Variants in UBALD1 observed in about 807,000 individuals in gnomAD.
The protein encoded by UBALD1 is UBA like domain containing 1.
A neutral mutation model predicts 16.1 loss-of-function variants in UBALD1; 5 were observed. The ratio of observed to expected loss-of-function variants is 0.31; its 90% confidence interval spans 0.16 to 0.66. UBALD1 has a LOEUF of 0.66. UBALD1 is among the 30% of genes least tolerant of loss of function. The probability of loss-of-function intolerance (pLI) is 0.77; values close to 1 mark genes in which losing one functional copy is unlikely to be tolerated. For synonymous variants in UBALD1, 146 were observed against 105.3 expected (o/e 1.39, Z -2.37); for missense variants, 220 against 252.8 (o/e 0.87, Z 0.88).
intron 1 of UBALD1, among the ~76,000 whole-genome samples, chr16:4,612,113 G>A (rs1339434798): frequency 2.0e-5 from 3 of 149,582 alleles, no homozygotes; most frequent in Admixed American, 2.0e-4. Context: ...TCACCAGGCT[G>A]GAGTGCAGTG....
intron 1 of UBALD1, among the ~76,000 whole-genome samples, chr16:4,612,796 C>T (rs1164239744): frequency 1.3e-5 from 2 of 152,110 alleles, no homozygotes; most frequent in Non-Finnish European, 2.9e-5. Flanking sequence ...GCCTGAAGTC[C>T]CGTCACCTTC....
In UBALD1 at chr16:4,609,452, G is replaced by A. The variant is rs984331975; in HGVS notation, c.*181C>T. 43 of 405,686 alleles carry A rather than the reference G, an allele frequency of 1.1e-4. No individual in the cohort carries two copies. The highest frequency in any genetic ancestry group is 1.5e-4 in the Non-Finnish European group (34 of 231,844). 25.1% of individuals were successfully genotyped at this position (405,686 alleles called of 1,614,324 possible). On this transcript the variant is annotated 3_prime_UTR_variant, in exon 3 of 3. Transcript: ENST00000283474. ...GGGGCCGCTGGGGCCATGACCTTGC[G>A]TGTGGGCAGCTGCGTGTTCTGGCAC...
rs149666234 is a variant in UBALD1 at position 4,613,601 on chromosome 16, G to A, written c.120+1077C>T. On this transcript the variant is annotated intron_variant, in intron 1 of 2. Transcript: ENST00000283474. ...TGGAGAAACCAGGTTCCCAGTCCCC[G>A]GCTGGGCACAGATGGTACCGGGATG... Among the ~76,000 whole-genome samples, 570 of 152,256 alleles carry A rather than the reference G, an allele frequency of 3.7e-3. 5 individuals carry two copies. The highest frequency in any genetic ancestry group is 0.013 in the African/African-American group (532 of 41,528).
chr16:4,610,790 C>T (rs375130593), intron 1 of UBALD1: 171 of 527,780 alleles, frequency 3.2e-4, no homozygotes, highest in Non-Finnish European at 1.3e-4. Context: ...CCTTCCCCTG[C>T]TGCTCGCCAC....
chr16:4,610,133 C>G lies in UBALD1; in HGVS notation c.184-150G>C, dbSNP rs913931862. 5.2e-6 allele frequency: 4 copies of G among 766,874 alleles called. No individual in the cohort carries two copies. The East Asian group carries it at 1.1e-4, about 20-fold the overall frequency. The allele number at this position is 766,874 out of a possible 1,614,324, so 47.5% of individuals were successfully genotyped here. ...CAAGCCTGTCCGCCGCCCAGGGGTT[C>G]CCAGAGGAGAAGCCTTGAGATGAAC... On this transcript the variant is annotated intron_variant, in intron 2 of 2. Coordinates refer to ENST00000283474, the MANE Select transcript of UBALD1 (RefSeq NM_145253.3).
chr16:4,609,780 C>T lies in UBALD1; in HGVS notation c.387G>A (p.Ser129=), dbSNP rs1186295720. The T allele has an allele frequency of 3.7e-5, 55 of 1,504,844 alleles. No individual in the cohort carries two copies. The highest frequency in any genetic ancestry group is 4.7e-5 in the East Asian group (2 of 42,648). The allele number at this position is 1,504,844 out of a possible 1,614,324, so 93.2% of individuals were successfully genotyped here. ...GGTGGTGCTGTGGGCCCCCCGGGGG[C>T]GAGGCCGCCGTGGGCCAGCTGGAGG... is the stretch of plus-strand genomic sequence containing the variant. ...SAASSWPTAA[S]PPGGPQHHQP... Residue 129 remains serine (S), a synonymous_variant, in exon 3 of 3, where the codon TCG becomes TCA. Transcript: ENST00000283474.
chr16:4,610,483 G>A lies in UBALD1; in HGVS notation c.183+10C>T. On this transcript the variant is annotated intron_variant, in intron 2 of 2. Transcript: ENST00000283474. ...CCCAATCCAGAACTGGGGACTCCGG[G>A]GACACTTACCATCTGGTGGTGATGG... 6.2e-7 allele frequency: 1 copy of A among 1,600,938 alleles called. No individual in the cohort carries two copies. The highest frequency in any genetic ancestry group is 8.5e-7 in the Non-Finnish European group (1 of 1,173,278).
At chr16:4,610,114 T>C (rs1202719942) in intron 2 of UBALD1, 131 bp from the exon 3 acceptor site, 11 of 811,160 alleles carry the variant, frequency 1.4e-5, no homozygotes, top group Non-Finnish European at 2.3e-5. Context: ...TCCCCAAGCC[T>C]GTCCGCCGCC....
In UBALD1 at chr16:4,610,739, G is replaced by A. The variant is rs866427889; in HGVS notation, c.121-184C>T. ...CCAACCCTCACTGCTGTCTAAGGAG[G>A]AGCCACGGAACCTTGGGCAGTTGGG... On this transcript the variant is annotated intron_variant, in intron 1 of 2. Coordinates refer to ENST00000283474, the MANE Select transcript of UBALD1 (RefSeq NM_145253.3). 45 of 635,500 alleles carry A rather than the reference G, an allele frequency of 7.1e-5. No homozygotes were observed. The Middle Eastern group carries it at 3.1e-3, about 43-fold the overall frequency. The allele number at this position is 635,500 out of a possible 1,614,324, so 39.4% of individuals were successfully genotyped here.
At chr16:4,612,013 G>A (rs189552915) in intron 1 of UBALD1, among the ~76,000 whole-genome samples, 58 of 152,010 alleles carry the variant, frequency 3.8e-4, no homozygotes, top group African/African-American at 1.4e-3. Flanking sequence ...ATCCAGCCTG[G>A]CTCCTGGGGC....
At chr16:4,614,596 C>A in intron 1 of UBALD1, 82 bp downstream of exon 1, 1 of 1,285,410 alleles carries the variant, frequency 7.8e-7, no homozygotes, top group Non-Finnish European at 9.8e-7. Flanking sequence ...CACGCGTCCA[C>A]GCCGTCCGCC....
In UBALD1 at chr16:4,609,779, G is replaced by C; in HGVS notation, c.388C>G (p.Pro130Ala). The change falls in exon 3 of 3, where the codon CCC (proline) becomes GCC (alanine). Residue 130 changes from proline (P) to alanine (A), a missense_variant. By Grantham distance (27) the Pro-to-Ala change is conservative. Around this residue, in one of 2 missense-constraint regions of UBALD1, gnomAD observed 151 missense variants for 132.6 expected, o/e 1.14. Transcript: ENST00000283474. ...AASSWPTAAS[P>A]PGGPQHHQPQ... ...TGGTGGTGCTGTGGGCCCCCCGGGG[G>C]CGAGGCCGCCGTGGGCCAGCTGGAG... 3.3e-6 allele frequency: 5 copies of C among 1,508,038 alleles called. No individual in the cohort carries two copies. Among genetic ancestry groups the C allele is most frequent in the Non-Finnish European group, 3.5e-6 (4 of 1,131,784 alleles). The allele number at this position is 1,508,038 out of a possible 1,614,324, so 93.4% of individuals were successfully genotyped here. A position where few individuals can be genotyped will look rare whatever the true frequency, so the allele number is the denominator to read the frequency against.
chr16:4,611,410 C>A (rs966366025), intron 1 of UBALD1: 4 of 152,420 alleles, frequency 2.6e-5, no homozygotes, highest in African/African-American at 9.6e-5. Flanking sequence ...TTGGCTGGCA[C>A]CACGCTAGGC....
At position 4,610,536 on chromosome 16, in the gene UBALD1, A is replaced by C; in HGVS notation, c.140T>G (p.Phe47Cys). The C allele has an allele frequency of 6.2e-7, 1 of 1,610,016 alleles. No individual in the cohort carries two copies. Among genetic ancestry groups the C allele is most frequent in the Non-Finnish European group, 8.5e-7 (1 of 1,178,070 alleles). ...WQFETALSAF[F>C]QETNIPYSHH... is the part of the protein sequence containing the mutation. Reference sequence around the variant, plus strand: ...GCTGTAGGGGATGTTGGTCTCCTGGAAAAAGGCGCTGAGGGCTGTCTGCAG... The same window carrying C: ...GCTGTAGGGGATGTTGGTCTCCTGGCAAAAGGCGCTGAGGGCTGTCTGCAG... Residue 47 changes from phenylalanine to cysteine, a missense_variant, in exon 2 of 3, where the codon TTC becomes TGC. This residue lies in a region of UBALD1 where 69 missense variants were observed against 120.3 expected (regional missense o/e 0.57). Transcript: ENST00000283474.
At chr16:4,612,490 C>T (rs1490673266) in intron 1 of UBALD1, among the ~76,000 whole-genome samples, 1 of 152,106 alleles carries the variant, frequency 6.6e-6, no homozygotes, top group African/African-American at 2.4e-5. Context: ...TCCCAGACCC[C>T]AAGACCCTCT....
intron 1 of UBALD1, 128 bp from the exon 2 acceptor site, chr16:4,610,683 G>C: frequency 9.6e-7 from 1 of 1,036,674 alleles, no homozygotes; most frequent in Non-Finnish European, 1.4e-6. Context: ...GTGAGTCGCG[G>C]TGCTGAGGCT....
intron 1 of UBALD1, chr16:4,611,628 G>A (rs754207304): frequency 1.3e-5 from 2 of 153,106 alleles, no homozygotes; most frequent in Non-Finnish European, 2.9e-5. Context: ...AGATGGGGGC[G>A]CTCAGAAAGG....
At chr16:4,611,994 C>A (rs1397882442) in intron 1 of UBALD1, among the ~76,000 whole-genome samples, 1 of 152,084 alleles carries the variant, frequency 6.6e-6, no homozygotes, top group East Asian at 1.9e-4. Flanking sequence ...AGGCCCAGCA[C>A]ACCCAGAAAT....
chr16:4,610,121 C>G, intron 2 of UBALD1, 138 bp from the exon 3 acceptor site: 1 of 790,252 alleles, frequency 1.3e-6, no homozygotes, highest in Non-Finnish European at 2.2e-6. Context: ...GCCTGTCCGC[C>G]GCCCAGGGGT....
Sources: allele counts gnomAD v4.1 joint callset (sites outside exome capture counted in the v4.1 genomes callset), GRCh38; gene constraint gnomAD v4.1.1; regional missense constraint gnomAD v4.1.1; transcripts MANE v1.5; gene names NCBI Gene and HGNC (gene_info 2026-07-23, HGNC 2026-07-21).